Variants in MKLN1 observed in about 807,000 individuals in gnomAD.
MKLN1 encodes the protein muskelin.
In MKLN1, 18 loss-of-function variants were observed where a neutral mutation model predicts 99.0. The observed-to-expected ratio is 0.18, with a 90% CI of 0.13 to 0.27. The LOEUF (loss-of-function observed/expected upper bound fraction) is 0.27, where lower values mean the gene tolerates loss of function less well. Ranked by LOEUF, MKLN1 falls within the 10% of genes least tolerant of loss-of-function variation. The pLI is 1.00. For missense variants in MKLN1, 621 were observed against 875.9 expected, an observed-to-expected ratio of 0.71 and a Z score of 3.67; for synonymous variants, 288 against 293.2, an observed-to-expected ratio of 0.98 and a Z score of 0.18.
At chr7:131,121,024 C>T (rs951766755) in intron 1 of MKLN1, among the ~76,000 whole-genome samples, 4 of 152,166 alleles carry the variant, frequency 2.6e-5, no homozygotes, top group Admixed American at 6.5e-5. Flanking sequence ...GAGCTTTAAT[C>T]GGCACATGGT....
intron 15 of MKLN1, among the ~76,000 whole-genome samples, chr7:131,468,977 G>A (rs1584774696): frequency 6.6e-6 from 1 of 152,174 alleles, no homozygotes; most frequent in South Asian, 2.1e-4. Context: ...TTTGAACGGT[G>A]AAACTGGATG....
At chr7:131,112,446 G>C (rs1309655833) in intron 1 of MKLN1, among the ~76,000 whole-genome samples, 1 of 152,162 alleles carries the variant, frequency 6.6e-6, no homozygotes, top group Non-Finnish European at 1.5e-5. Flanking sequence ...AGTGTCTGTT[G>C]ACAGAAAAAT....
At chr7:131,185,846 C>T (rs1033551454) in intron 2 of MKLN1, among the ~76,000 whole-genome samples, 4 of 152,082 alleles carry the variant, frequency 2.6e-5, no homozygotes, top group East Asian at 1.9e-4. Flanking sequence ...TGGCCTAGCA[C>T]GTATTTTGTA....
At chr7:131,485,897 T>TA (rs1026118362) in intron 17 of MKLN1, among the ~76,000 whole-genome samples, 1 of 151,994 alleles carries the variant, frequency 6.6e-6, no homozygotes, top group African/African-American at 2.4e-5. Flanking sequence ...AACATGACTG[T>TA]AAAAAAGTGA....
At chr7:131,265,901 C>A (rs1797800522) in intron 3 of MKLN1, among the ~76,000 whole-genome samples, 1 of 152,160 alleles carries the variant, frequency 6.6e-6, no homozygotes, top group Non-Finnish European at 1.5e-5. Context: ...TTCAGAAGTT[C>A]TGTGGCTCAT....
Position 131,489,851 on chromosome 7 carries a change from CTTTA to C in MKLN1, c.*2128_*2131del, listed in dbSNP as rs776297503. ...TTTGTTTTAATTTCATCTTCCCTCA[CTTTA>C]TTTAGGTAGAATTTTTCCCCCTTCA... On this transcript the variant is annotated 3_prime_UTR_variant, in exon 18 of 18. Coordinates refer to ENST00000352689, the MANE Select transcript of MKLN1 (RefSeq NM_013255.5). The C allele has an allele frequency of 7.9e-5, 12 of 152,220 alleles. No homozygotes were observed. The highest frequency in any genetic ancestry group is 2.0e-4 in the Admixed American group (3 of 15,262). The allele number at this position is 152,220 out of a possible 1,614,324, so 9.4% of individuals were successfully genotyped here. A position where few individuals can be genotyped will look rare whatever the true frequency, so the allele number is the denominator to read the frequency against.
At chr7:131,413,193 TAATA>T (rs1446015817) in intron 7 of MKLN1, among the ~76,000 whole-genome samples, 1 of 152,206 alleles carries the variant, frequency 6.6e-6, no homozygotes, top group African/African-American at 2.4e-5. Flanking sequence ...GCTTCAATGA[TAATA>T]AATTGCACAA....
intron 3 of MKLN1, among the ~76,000 whole-genome samples, chr7:131,254,996 A>T (rs554619588): frequency 1.1e-3 from 174 of 152,100 alleles, no homozygotes; most frequent in Middle Eastern, 6.8e-3. Flanking sequence ...GGCTCAAGGG[A>T]TCCTCCTTCC....
At chr7:131,208,042 A>G (rs973386579) in intron 3 of MKLN1, among the ~76,000 whole-genome samples, 6 of 152,276 alleles carry the variant, frequency 3.9e-5, no homozygotes, top group African/African-American at 9.6e-5. Flanking sequence ...TTTCTTTTCA[A>G]TTGTCCCAGA....
At chr7:131,463,811 A>C (rs1302252611) in intron 13 of MKLN1, among the ~76,000 whole-genome samples, 1 of 152,230 alleles carries the variant, frequency 6.6e-6, no homozygotes, top group East Asian at 1.9e-4. Context: ...TTGGGAAAAC[A>C]TGGATCCAGC....
At chr7:131,327,751 T>G (rs1798924968), upstream of MKLN1, 6 of 1,378,790 alleles carry the variant, frequency 4.4e-6, no homozygotes, top group Middle Eastern at 2.6e-4. Context: ...AGATAGGACA[T>G]TGGCCCGGCG....
intron 2 of MKLN1, among the ~76,000 whole-genome samples, chr7:131,385,683 A>G (rs1325570502): frequency 1.3e-5 from 2 of 152,064 alleles, no homozygotes; most frequent in Non-Finnish European, 2.9e-5. Flanking sequence ...AGAAAGGGCT[A>G]TTCAGGTCCT....
chr7:131,165,964 T>C (rs1038466570), intron 2 of MKLN1, among the ~76,000 whole-genome samples: 1 of 151,862 alleles, frequency 6.6e-6, no homozygotes, highest in African/African-American at 2.4e-5. Flanking sequence ...AAAATACAAA[T>C]GTTAGCTGAG....
chr7:131,153,668 T>TTTG (rs1449720838), intron 2 of MKLN1, among the ~76,000 whole-genome samples: 1 of 147,508 alleles, frequency 6.8e-6, no homozygotes, highest in African/African-American at 2.5e-5. Context: ...TTTTTGGTTT[T>TTTG]TTTTTTTTTT....
At chr7:131,418,878 A>G (rs942641337) in intron 8 of MKLN1, among the ~76,000 whole-genome samples, 4 of 152,178 alleles carry the variant, frequency 2.6e-5, no homozygotes, top group Non-Finnish European at 4.4e-5. Context: ...CTGGAACTCA[A>G]TAGGAAAAGC....
At chr7:131,470,976 T>C (rs1440760965) in intron 16 of MKLN1, 32 bp downstream of exon 16, 1 of 1,439,354 alleles carries the variant, frequency 6.9e-7, no homozygotes, top group Non-Finnish European at 9.7e-7. Context: ...TTTCAGAAAT[T>C]AAGTATTTTT....
chr7:131,463,226 C>T lies in MKLN1; in HGVS notation c.1535C>T (p.Thr512Ile). 6.2e-7 allele frequency: 1 copy of T among 1,608,490 alleles called. No homozygotes were observed. Among genetic ancestry groups the T allele is most frequent in the Non-Finnish European group, 8.5e-7 (1 of 1,176,716 alleles). ...TTTCTTTAATTTGTAGTTCCAATGA[C>T]AGGATTTACACAGAGAGCAACTATT... ...TKKDSGMVPM[T>I]GFTQRATIDP... The change falls in exon 13 of 18, where the codon ACA becomes ATA. Residue 512 changes from threonine to isoleucine, a missense_variant. Coordinates refer to ENST00000352689, the MANE Select transcript of MKLN1 (RefSeq NM_013255.5).
chr7:131,144,232 T>C (rs1795782803), intron 2 of MKLN1, among the ~76,000 whole-genome samples: 1 of 152,080 alleles, frequency 6.6e-6, no homozygotes, highest in Non-Finnish European at 1.5e-5. Flanking sequence ...CTCACACCTA[T>C]AATCCCAGCA....
In MKLN1 at chr7:131,327,925, C is replaced by G. The variant is rs200265321; in HGVS notation, c.26C>G (p.Ala9Gly). The change falls in exon 1 of 18, where the codon GCG becomes GGG. Residue 9 changes from alanine to glycine, a missense_variant. Ala to Gly is a moderately conservative substitution (Grantham distance 60). Coordinates refer to ENST00000352689, the MANE Select transcript of MKLN1 (RefSeq NM_013255.5). ...ATGGCGGCTGGCGGAGCTGTCGCTG[C>G]GGCGCCCGAGTGCCGGCTTCTCCCC... MAAGGAVA[A>G]APECRLLPYA... 1 of 1,613,100 alleles carries G rather than the reference C, an allele frequency of 6.2e-7. No individual in the cohort carries two copies. The highest frequency in any genetic ancestry group is 1.3e-5 in the African/African-American group (1 of 75,034).
Sources: gnomAD v4.1 joint callset for allele counts (sites outside exome capture counted in the v4.1 genomes callset) on GRCh38, gnomAD v4.1.1 for gene constraint, MANE v1.5 for transcripts, NCBI Gene and HGNC (gene_info 2026-07-23, HGNC 2026-07-21) for gene names.